Variants in SLFN13 observed in about 807,000 individuals in gnomAD.
The protein encoded by SLFN13 is schlafen-13.
In SLFN13, 43 loss-of-function variants were observed where a neutral mutation model predicts 50.6. That is an observed-to-expected ratio of 0.85 (90% CI 0.67 to 1.09). The LOEUF (loss-of-function observed/expected upper bound fraction) is 1.09. Among genes scored for constraint, SLFN13 ranks in the 50% least tolerant of loss-of-function variants. The pLI is 0.00. For missense variants in SLFN13, 881 were observed against 1,071.1 expected (o/e 0.82, Z 2.48); for synonymous variants, 339 against 386.5 (o/e 0.88, Z 1.44).
At position 35,436,866 on chromosome 17, in the gene SLFN13, C is replaced by A. The variant is rs1035256460; in HGVS notation, c.*3729G>T. 4 of 152,058 alleles carry A rather than the reference C, an allele frequency of 2.6e-5. No homozygotes were observed. The highest frequency in any genetic ancestry group is 5.9e-5 in the Non-Finnish European group (4 of 68,010). 9.4% of individuals were successfully genotyped at this position (152,058 alleles called of 1,614,324 possible). A position where few individuals can be genotyped will look rare whatever the true frequency, so the allele number is the denominator to read the frequency against. The stretch of plus-strand genomic sequence containing the variant: ...GCATGATCTTAGATCAAATCCTGGA[C>A]CAGAACTTTTTCTCTTTTGAGAAAA... On this transcript the variant is annotated 3_prime_UTR_variant, in exon 6 of 6. Transcript: ENST00000285013.
Position 35,437,688 on chromosome 17 carries a change from T to C in SLFN13, c.*2907A>G, listed in dbSNP as rs946625757. 2 of 152,084 alleles carry C rather than the reference T, an allele frequency of 1.3e-5. No individual in the cohort carries two copies. The highest frequency in any genetic ancestry group is 2.9e-5 in the Non-Finnish European group (2 of 68,006). The allele number at this position is 152,084 out of a possible 1,614,324, so 9.4% of individuals were successfully genotyped here. On this transcript the variant is annotated 3_prime_UTR_variant, in exon 6 of 6. Coordinates refer to ENST00000285013, the MANE Select transcript of SLFN13 (RefSeq NM_144682.6). ...GACTACAAGGACAGATCTGTGAGCA[T>C]TCCTGGAATTCTCAGAAATCTTAAA...
chr17:35,444,684 C>T lies in SLFN13; in HGVS notation c.997G>A (p.Val333Met), dbSNP rs199966694. 9.3e-6 allele frequency: 15 copies of T among 1,614,102 alleles called. No homozygotes were observed. The highest frequency in any genetic ancestry group is 2.7e-5 in the African/African-American group (2 of 74,926). ...AAGGGGCGGATGTACTTCTCCCTCACCATCCATGACTTGGGAGCTTCCGAG... is the reference window on the plus strand; with the variant it reads ...AAGGGGCGGATGTACTTCTCCCTCATCATCCATGACTTGGGAGCTTCCGAG... The part of the protein sequence containing the change: ...VFSEAPKSWM[V>M]REKYIRPLTT... The change falls in exon 3 of 6, where the codon GTG becomes ATG. Residue 333 changes from valine to methionine, a missense_variant. Val to Met is a conservative substitution (Grantham distance 21, BLOSUM62 1). Around this residue, in one of 5 missense-constraint regions of SLFN13, gnomAD observed 497 missense variants for 518.3 expected, o/e 0.96. Coordinates refer to ENST00000285013, the MANE Select transcript of SLFN13 (RefSeq NM_144682.6).
At chr17:35,441,438 C>G in intron 5 of SLFN13, 72 bp from the exon 6 acceptor site, 1 of 1,573,654 alleles carries the variant, frequency 6.4e-7, no homozygotes, top group South Asian at 1.2e-5. Context: ...GTATCATGTT[C>G]CTCCGAGCAC....
At chr17:35,448,042 ATAT>A (rs11275064) in intron 1 of SLFN13, among the ~76,000 whole-genome samples, 18 of 146,772 alleles carry the variant, frequency 1.2e-4, no homozygotes, top group East Asian at 4.0e-4. Context: ...TATTAGTATT[ATAT>A]TATTATTATT....
In SLFN13 at chr17:35,445,212, TG is replaced by T. The variant is rs1270076569; in HGVS notation, c.468del (p.Lys157ArgfsTer9). 1 of 1,613,900 alleles carries T rather than the reference TG, an allele frequency of 6.2e-7. No individual in the cohort carries two copies. The highest frequency in any genetic ancestry group is 1.7e-5 in the Admixed American group (1 of 60,030). On this transcript the variant is annotated frameshift_variant, in exon 3 of 6. Coordinates refer to ENST00000285013, the MANE Select transcript of SLFN13 (RefSeq NM_144682.6). LOFTEE classifies it high-confidence loss of function. ...AGATTATATTTGGACTGTCTTTCCT[TG>T]GTCTTCAGGAAATCGAATGCCTGTC... ...NSRQAFDFLK[T>X]KERQSKYNLI...
rs1161633722 is a variant in SLFN13 at position 35,436,643 on chromosome 17, C to T, written c.*3952G>A. 1 of 152,124 alleles carries T rather than the reference C, an allele frequency of 6.6e-6. No homozygotes were observed. The highest frequency in any genetic ancestry group is 1.5e-5 in the Non-Finnish European group (1 of 68,028). 9.4% of individuals were successfully genotyped at this position (152,124 alleles called of 1,614,324 possible). A position where few individuals can be genotyped will look rare whatever the true frequency, so the allele number is the denominator to read the frequency against. On this transcript the variant is annotated 3_prime_UTR_variant, in exon 6 of 6. Transcript: ENST00000285013. The stretch of plus-strand genomic sequence containing the variant: ...GCCTTCTAATACCGTGAACTGAGAA[C>T]CGTAACAGCCCTTCTATGGAATTCA...
Position 35,443,891 on chromosome 17 carries a change from C to G in SLFN13, c.1096G>C (p.Glu366Gln). ...EFPPDFAEAFESQLSLSDSPS... is the reference protein window; with the variant it reads ...EFPPDFAEAFQSQLSLSDSPS... ...CTGTCAGATAGACTCAACTGAGACTCAAAGGCCTCAGCAAAGTCTGGAGGA... is the reference window on the plus strand; with the variant it reads ...CTGTCAGATAGACTCAACTGAGACTGAAAGGCCTCAGCAAAGTCTGGAGGA... Residue 366 changes from glutamate (E) to glutamine (Q), a missense_variant, in exon 4 of 6, where the codon GAG (glutamate) becomes CAG (glutamine). Transcript: ENST00000285013. 1 of 1,613,592 alleles carries G rather than the reference C, an allele frequency of 6.2e-7. No individual in the cohort carries two copies. The highest frequency in any genetic ancestry group is 8.5e-7 in the Non-Finnish European group (1 of 1,179,630).
chr17:35,442,190 C>A lies in SLFN13; in HGVS notation c.1295G>T (p.Arg432Leu). ...GLKELIHKQM[R>L]PFSQGIVILS... The stretch of plus-strand genomic sequence containing the variant: ...GATCACAATTCCCTGGGAGAAAGGT[C>A]GCATTTGCTTGTGTATTAACTCCTT... Residue 432 changes from arginine to leucine, a missense_variant, in exon 5 of 6, where the codon CGA becomes CTA. This residue lies in a region of SLFN13 where 497 missense variants were observed against 518.3 expected (regional missense o/e 0.96). Coordinates refer to ENST00000285013, the MANE Select transcript of SLFN13 (RefSeq NM_144682.6). The A allele has an allele frequency of 2.5e-6, 4 of 1,614,136 alleles. No individual in the cohort carries two copies. Among genetic ancestry groups the A allele is most frequent in the Non-Finnish European group, 3.4e-6 (4 of 1,180,018 alleles).
At position 35,441,240 on chromosome 17, in the gene SLFN13, C is replaced by A. The variant is rs1458409966; in HGVS notation, c.2049G>T (p.Lys683Asn). The A allele has an allele frequency of 1.2e-6, 2 of 1,614,046 alleles. No individual in the cohort carries two copies. The highest frequency in any genetic ancestry group is 1.7e-6 in the Non-Finnish European group (2 of 1,179,996). Residue 683 changes from lysine to asparagine, a missense_variant, in exon 6 of 6, where the codon AAG (lysine) becomes AAT (asparagine). Physicochemically the swap from Lys to Asn is moderately conservative, Grantham distance 94. This residue lies in a region of SLFN13 where 322 missense variants were observed against 327.4 expected (regional missense o/e 0.98). Transcript: ENST00000285013. The stretch of plus-strand genomic sequence containing the variant: ...TTTCTCTCTGAGTGATGGTTTTTGC[C>A]TTCCTATACCAGTCCCCATCTTCAG... ...FRTEDGDWYR[K>N]AKTITQREKD...
chr17:35,444,453 C>T (rs889806517), intron 3 of SLFN13, among the ~76,000 whole-genome samples, 162 bp downstream of exon 3: 1 of 152,164 alleles, frequency 6.6e-6, no homozygotes, highest in African/African-American at 2.4e-5. Flanking sequence ...CTCATTTTGG[C>T]TTTTTCTCAC....
At position 35,445,228 on chromosome 17, in the gene SLFN13, G is replaced by A. The variant is rs777118247; in HGVS notation, c.453C>T (p.Phe151=). The A allele has an allele frequency of 1.2e-5, 19 of 1,613,736 alleles. No homozygotes were observed. The South Asian group carries it at 1.6e-4, about 14-fold the overall frequency. ...SVLHMNSRQA[F]DFLKTKERQS... Reference sequence around the variant, plus strand: ...GTCTTTCCTTGGTCTTCAGGAAATCGAATGCCTGTCTTGAATTCATGTGAA... The same window carrying A: ...GTCTTTCCTTGGTCTTCAGGAAATCAAATGCCTGTCTTGAATTCATGTGAA... Residue 151 remains phenylalanine, a synonymous_variant, in exon 3 of 6, where the codon TTC becomes TTT. Transcript: ENST00000285013.
At position 35,445,380 on chromosome 17, in the gene SLFN13, G is replaced by A; in HGVS notation, c.301C>T (p.His101Tyr). ...YLQAFFETKQ[H>Y]GRCFYIFVKS... The stretch of plus-strand genomic sequence containing the variant: ...ACAAAAATATAAAAACACCTTCCGT[G>A]TTGCTTAGTCTCAAAGAAAGCCTGC... Residue 101 changes from histidine to tyrosine, a missense_variant, in exon 3 of 6, where the codon CAC becomes TAC. By Grantham distance (83) the His-to-Tyr change is moderately conservative. Transcript: ENST00000285013. 1 of 1,614,116 alleles carries A rather than the reference G, an allele frequency of 6.2e-7. No homozygotes were observed. The highest frequency in any genetic ancestry group is 8.5e-7 in the Non-Finnish European group (1 of 1,180,012).
In SLFN13 at chr17:35,438,105, T is replaced by C. The variant is rs1912690989; in HGVS notation, c.*2490A>G. On this transcript the variant is annotated 3_prime_UTR_variant, in exon 6 of 6. Transcript: ENST00000285013. Reference sequence around the variant, plus strand: ...GGGAAACACAGTGAGACCTTTTCTCTTTAAAAAAAAAAAAAAAAAAAATTT... The same window carrying C: ...GGGAAACACAGTGAGACCTTTTCTCCTTAAAAAAAAAAAAAAAAAAAATTT... 1 of 107,880 alleles carries C rather than the reference T, an allele frequency of 9.3e-6. No homozygotes were observed. The highest frequency in any genetic ancestry group is 1.9e-5 in the Non-Finnish European group (1 of 51,858). The allele number at this position is 107,880 out of a possible 1,614,324, so 6.7% of individuals were successfully genotyped here. A position where few individuals can be genotyped will look rare whatever the true frequency, so the allele number is the denominator to read the frequency against.
intron 2 of SLFN13, 90 bp from the exon 3 acceptor site, chr17:35,445,783 T>C (rs559427232): frequency 3.8e-6 from 4 of 1,065,812 alleles, no homozygotes; most frequent in South Asian, 3.4e-5. Flanking sequence ...AAAACGTGTC[T>C]AATATGTGCT....
rs1411574173 is a variant in SLFN13, at chr17:35,447,373, A to G, written c.-119T>C. 6.6e-6 allele frequency: 1 copy of G among 152,090 alleles called. No individual in the cohort carries two copies. The highest frequency in any genetic ancestry group is 1.5e-5 in the Non-Finnish European group (1 of 68,020). The allele number at this position is 152,090 out of a possible 1,614,324, so 9.4% of individuals were successfully genotyped here. ...CTTCCCACCAGCACAGTGAATGCCC[A>G]CCGCCTGCTGTCTTCTTCCACCAAA... On this transcript the variant is annotated 5_prime_UTR_variant, in exon 2 of 6. Coordinates refer to ENST00000285013, the MANE Select transcript of SLFN13 (RefSeq NM_144682.6).
rs990827049 is a variant in SLFN13, at chr17:35,435,817, G to T, written c.*4778C>A. 1 of 151,840 alleles carries T rather than the reference G, an allele frequency of 6.6e-6. No individual in the cohort carries two copies. The highest frequency in any genetic ancestry group is 1.5e-5 in the Non-Finnish European group (1 of 67,996). The allele number at this position is 151,840 out of a possible 1,614,324, so 9.4% of individuals were successfully genotyped here. The stretch of plus-strand genomic sequence containing the variant: ...CAAACTGGCACCCAGGCTAGAGTGC[G>T]GTGATGCAGTCACAGCTCAGTGCAG... On this transcript the variant is annotated 3_prime_UTR_variant, in exon 6 of 6. Coordinates refer to ENST00000285013, the MANE Select transcript of SLFN13 (RefSeq NM_144682.6).
chr17:35,443,706 A>G, intron 4 of SLFN13, 83 bp downstream of exon 4: 1 of 1,458,712 alleles, frequency 6.9e-7, no homozygotes, highest in South Asian at 1.3e-5. Flanking sequence ...GATCTGCAGG[A>G]CACAATCTTT....
Position 35,436,207 on chromosome 17 carries a change from G to A in SLFN13, c.*4388C>T, listed in dbSNP as rs1163881138. 1 of 151,608 alleles carries A rather than the reference G, an allele frequency of 6.6e-6. No individual in the cohort carries two copies. The highest frequency in any genetic ancestry group is 2.4e-5 in the African/African-American group (1 of 41,136). The allele number at this position is 151,608 out of a possible 1,614,324, so 9.4% of individuals were successfully genotyped here. A position where few individuals can be genotyped will look rare whatever the true frequency, so the allele number is the denominator to read the frequency against. On this transcript the variant is annotated 3_prime_UTR_variant, in exon 6 of 6. Coordinates refer to ENST00000285013, the MANE Select transcript of SLFN13 (RefSeq NM_144682.6). ...ATTTGAATAAGACTGAAATTCTCTA[G>A]GACTGAAATTCTCTCCTCCTTAAAC...
Position 35,440,413 on chromosome 17 carries a change from A to G in SLFN13, c.*182T>C, listed in dbSNP as rs1347344519. ...GGGGGCAGCCACCACTGCTGAAAAG[A>G]GTTGGGGGAGGAACCCCTGAAAGGA... On this transcript the variant is annotated 3_prime_UTR_variant, in exon 6 of 6. Coordinates refer to ENST00000285013, the MANE Select transcript of SLFN13 (RefSeq NM_144682.6). 13 of 694,688 alleles carry G rather than the reference A, an allele frequency of 1.9e-5. No homozygotes were observed. Among genetic ancestry groups the G allele is most frequent in the East Asian group, 1.1e-4 (4 of 36,828 alleles). 43.0% of individuals were successfully genotyped at this position (694,688 alleles called of 1,614,324 possible).
Sources: gnomAD v4.1 joint callset for allele counts (sites outside exome capture counted in the v4.1 genomes callset) on GRCh38, gnomAD v4.1.1 for gene constraint, gnomAD v4.1.1 regional missense constraint, MANE v1.5 for transcripts, NCBI Gene and HGNC (gene_info 2026-07-23, HGNC 2026-07-21) for gene names.